Variants in TENM2 observed in about 807,000 individuals in gnomAD.
TENM2 encodes the protein teneurin-2.
In TENM2, 52 loss-of-function variants were observed where a neutral mutation model predicts 245.2. The observed-to-expected ratio is 0.21, with a 90% CI of 0.17 to 0.27. TENM2 has a LOEUF of 0.27. Ranked by LOEUF, TENM2 falls within the 10% of genes least tolerant of loss-of-function variation. The probability of loss-of-function intolerance (pLI) is 1.00; values close to 1 mark genes in which losing one functional copy is unlikely to be tolerated. For missense variants in TENM2, 3,046 were observed against 3,666.8 expected, an observed-to-expected ratio of 0.83 and a Z score of 4.37; for synonymous variants, 1,363 against 1,438.9, an observed-to-expected ratio of 0.95 and a Z score of 1.19.
chr5:167,859,101 G>A (rs1490263262), intron 2 of TENM2, among the ~76,000 whole-genome samples: 1 of 142,408 alleles, frequency 7.0e-6, no homozygotes, highest in East Asian at 2.1e-4. Context: ...TCTGAGATGT[G>A]GGGAGCGCCT....
chr5:167,026,746 A>T, the TENM2 span, among the ~76,000 whole-genome samples: 1 of 152,202 alleles, frequency 6.6e-6, no homozygotes. Context: ...ATATCCTGAA[A>T]TGTGCCTTTT....
intron 1 of TENM2, among the ~76,000 whole-genome samples, chr5:167,320,697 A>G (rs1756659799): frequency 6.6e-6 from 1 of 152,160 alleles, no homozygotes; most frequent in Admixed American, 6.5e-5. Context: ...CTTGCCTTCC[A>G]ACATGTTGAT....
chr5:168,109,548 C>A (rs1380238601), intron 9 of TENM2, among the ~76,000 whole-genome samples: 1 of 152,208 alleles, frequency 6.6e-6, no homozygotes, highest in Non-Finnish European at 1.5e-5. Flanking sequence ...TTGTTGGAAT[C>A]ATCTGTTAAC....
intron 2 of TENM2, among the ~76,000 whole-genome samples, chr5:167,483,269 G>A (rs1767866917): frequency 6.6e-6 from 1 of 152,196 alleles, no homozygotes; most frequent in Non-Finnish European, 1.5e-5. Context: ...GACAAAGGAT[G>A]CTTCCTTGCC....
At chr5:167,158,949 TCTTC>T in the TENM2 span, among the ~76,000 whole-genome samples, 8 of 148,664 alleles carry the variant, frequency 5.4e-5, no homozygotes, top group Non-Finnish European at 1.2e-4. Flanking sequence ...TTTCTTTCTT[TCTTC>T]TTTCTTTCTT....
intron 12 of TENM2, among the ~76,000 whole-genome samples, chr5:168,156,810 C>T (rs1397255571): frequency 2.0e-5 from 3 of 152,042 alleles, no homozygotes; most frequent in Non-Finnish European, 2.9e-5. Context: ...CAGAGTTATT[C>T]GTTCATCATT....
chr5:167,078,802 T>G, the TENM2 span, among the ~76,000 whole-genome samples: 838 of 152,278 alleles, frequency 5.5e-3, 6 homozygotes, highest in African/African-American at 0.019. Context: ...AACTATTGAT[T>G]TCTTAACATT....
At chr5:167,057,869 A>T in the TENM2 span, among the ~76,000 whole-genome samples, 1 of 152,006 alleles carries the variant, frequency 6.6e-6, no homozygotes, top group African/African-American at 2.4e-5. Context: ...TGGAGTTAAA[A>T]CTCACAAATA....
chr5:167,382,729 A>G (rs1336432975), intron 2 of TENM2, among the ~76,000 whole-genome samples: 1 of 152,136 alleles, frequency 6.6e-6, no homozygotes, highest in Non-Finnish European at 1.5e-5. Flanking sequence ...AATCATGAGA[A>G]AAGGGGCCTG....
At chr5:166,996,080 A>G in the TENM2 span, among the ~76,000 whole-genome samples, 2 of 152,118 alleles carry the variant, frequency 1.3e-5, no homozygotes, top group Middle Eastern at 3.2e-3. Context: ...GCAGTGACTC[A>G]CGTCTGTAAT....
At chr5:167,914,174 A>G (rs1481939245) in intron 3 of TENM2, among the ~76,000 whole-genome samples, 3 of 152,130 alleles carry the variant, frequency 2.0e-5, no homozygotes. Flanking sequence ...TCCCTGCAAT[A>G]GTTTTCTATG....
exon 6 of TENM2, chr5:168,047,430 T>A: frequency 6.4e-7 from 1 of 1,551,714 alleles, no homozygotes; most frequent in Non-Finnish European, 8.7e-7. Flanking sequence ...CCTGCAGCAA[T>A]GCATCTGCTC....
At chr5:167,252,096 G>C in the TENM2 span, among the ~76,000 whole-genome samples, 3 of 152,096 alleles carry the variant, frequency 2.0e-5, no homozygotes, top group Non-Finnish European at 4.4e-5. Flanking sequence ...TCCTGGCATT[G>C]GCTCAAGTAA....
intron 5 of TENM2, among the ~76,000 whole-genome samples, chr5:167,997,762 T>C (rs1291257604): frequency 6.6e-6 from 1 of 152,204 alleles, no homozygotes; most frequent in African/African-American, 2.4e-5. Context: ...TTATGTGCCA[T>C]GCAAAAACAG....
chr5:167,371,801 C>T (rs1016468622), intron 1 of TENM2, among the ~76,000 whole-genome samples: 1 of 152,122 alleles, frequency 6.6e-6, no homozygotes, highest in Non-Finnish European at 1.5e-5. Context: ...ATCCCTGATG[C>T]CTCACACAGT....
At chr5:167,421,631 T>C (rs190154282) in intron 2 of TENM2, among the ~76,000 whole-genome samples, 2 of 152,298 alleles carry the variant, frequency 1.3e-5, no homozygotes, top group African/African-American at 4.8e-5. Context: ...CTCTTCCACG[T>C]CCATTAGCTC....
At position 168,253,620 on chromosome 5, in the gene TENM2, T is replaced by C. The variant is rs112581668; in HGVS notation, c.7432+5249T>C. ...GTTTGTATTTTTAGTAGAGACGGGG[T>C]TTCACCGTGTTAGCCAGGATGGTCT... is the stretch of plus-strand genomic sequence containing the variant. On this transcript the variant is annotated intron_variant, in intron 27 of 28. Transcript: ENST00000518659. Among the ~76,000 whole-genome samples the C allele has an allele frequency of 8.2e-3, 1,237 of 151,484 alleles. 8 individuals are homozygous for C. Among genetic ancestry groups the C allele is most frequent in the Non-Finnish European group, 0.012 (783 of 67,822 alleles).
chr5:167,315,157 T>C (rs555755644), intron 1 of TENM2, among the ~76,000 whole-genome samples: 1 of 152,256 alleles, frequency 6.6e-6, no homozygotes, highest in Non-Finnish European at 1.5e-5. Context: ...GTATTAATGC[T>C]TTTTTGGTTG....
chr5:167,061,002 A>G, the TENM2 span, among the ~76,000 whole-genome samples: 9 of 151,972 alleles, frequency 5.9e-5, no homozygotes, highest in Non-Finnish European at 1.3e-4. Flanking sequence ...AGTGTTCTAA[A>G]ATTTTTAGTT....
Sources: gnomAD v4.1 joint callset for allele counts (sites outside exome capture counted in the v4.1 genomes callset) on GRCh38, gnomAD v4.1.1 for gene constraint, MANE v1.5 for transcripts, NCBI Gene and HGNC (gene_info 2026-07-23, HGNC 2026-07-21) for gene names.